HERC1: variants seen among roughly 807,000 people sequenced by gnomAD.
HERC1 encodes the protein HECT and RLD domain containing E3 ubiquitin protein ligase family member 1.
Under a neutral mutation model 554.3 loss-of-function variants are expected in HERC1, and 160 were observed. The observed-to-expected ratio is 0.29, with a 90% confidence interval of 0.25 to 0.33. The LOEUF (loss-of-function observed/expected upper bound fraction) is 0.33, where lower values mean the gene tolerates loss of function less well. Among genes scored for constraint, HERC1 ranks in the 10% least tolerant of loss-of-function variants. HERC1 has a pLI of 1.00. For missense variants in HERC1, 4,919 were observed against 5,918.5 expected, an observed-to-expected ratio of 0.83 and a Z score of 5.54; for synonymous variants, 2,175 against 2,131.7, an observed-to-expected ratio of 1.02 and a Z score of -0.56.
chr15:63,824,517 G>C lies in HERC1; in HGVS notation c.-27+9310C>G, dbSNP rs563694988. On this transcript the variant is annotated intron_variant, in intron 1 of 77. Transcript: ENST00000443617. Reference sequence around the variant, plus strand: ...CCACTGTACTCCAGCCTGGGCAACAGAGTGAGACTCCATCTCAAAAAAAAA... The same window carrying C: ...CCACTGTACTCCAGCCTGGGCAACACAGTGAGACTCCATCTCAAAAAAAAA... Among the ~76,000 whole-genome samples the C allele has an allele frequency of 1.1e-3, 149 of 138,040 alleles. 2 individuals carry two copies. The highest frequency in any genetic ancestry group is 2.5e-3 in the South Asian group (11 of 4,378). 90.6% of individuals were successfully genotyped at this position (138,040 alleles called of 152,430 possible).
Position 63,612,514 on chromosome 15 carries a change from G to A in HERC1, c.14137C>T (p.Pro4713Ser). 6.2e-7 allele frequency: 1 copy of A among 1,614,006 alleles called. No homozygotes were observed. Among genetic ancestry groups the A allele is most frequent in the Non-Finnish European group, 8.5e-7 (1 of 1,179,888 alleles). The change falls in exon 77 of 78, where the codon CCG becomes TCG. Residue 4713 changes from proline (P) to serine (S), a missense_variant. This residue lies in a region of HERC1 where 284 missense variants were observed against 294.1 expected (regional missense o/e 0.97). Transcript: ENST00000443617. This position sits in a 1 kb window ranked among gnomAD's most constrained non-coding sequence, Gnocchi z 5.0. ...TTTGCTGTGAGGAGGGACAGCAGCG[G>A]CACAGGAACAATCCAGGACATCCCT... ...REGMSWIVPVPLLSLLTAKQL... is the reference protein window; with the variant it reads ...REGMSWIVPVSLLSLLTAKQL...
chr15:63,785,689 C>A (rs1253003279), intron 1 of HERC1, among the ~76,000 whole-genome samples: 2 of 151,750 alleles, frequency 1.3e-5, no homozygotes, highest in African/African-American at 4.8e-5. Flanking sequence ...TGATCCCTTG[C>A]GCTCAGGAGG....
intron 6 of HERC1, 105 bp from the exon 7 acceptor site, chr15:63,754,753 G>C: frequency 3.5e-6 from 4 of 1,144,052 alleles, no homozygotes; most frequent in Non-Finnish European, 3.7e-6. Flanking sequence ...ATAGAATTGA[G>C]ATTTTTTTAA....
chr15:63,728,939 T>TTAA (rs1555430112), intron 16 of HERC1, among the ~76,000 whole-genome samples: 16 of 145,078 alleles, frequency 1.1e-4, no homozygotes, highest in Admixed American at 4.1e-4. Context: ...GAGCAGGTTT[T>TTAA]AAAAAAAAAA....
intron 24 of HERC1, among the ~76,000 whole-genome samples, chr15:63,711,705 A>G (rs932071285): frequency 6.6e-6 from 1 of 152,230 alleles, no homozygotes; most frequent in Non-Finnish European, 1.5e-5. Flanking sequence ...AGTCCATCTC[A>G]AACGCTAGCA....
Position 63,626,046 on chromosome 15 carries a change from T to G in HERC1, c.13214A>C (p.Tyr4405Ser). 6.2e-7 allele frequency: 1 copy of G among 1,612,738 alleles called. No individual in the cohort carries two copies. Among genetic ancestry groups the G allele is most frequent in the Non-Finnish European group, 8.5e-7 (1 of 1,179,390 alleles). ...HTVRARLRLLYHFSDLMYSSW... is the reference protein window; with the variant it reads ...HTVRARLRLLSHFSDLMYSSW... ...TGAGTACATGAGGTCAGAGAAGTGG[T>G]AGAGCAGCCGGAGCCTGGCCCGCAC... The change falls in exon 71 of 78, where the codon TAC (tyrosine) becomes TCC (serine). Residue 4405 changes from tyrosine (Y) to serine (S), a missense_variant. Physicochemically the swap from Tyr to Ser is moderately radical, Grantham distance 144. Around this residue, in one of 11 missense-constraint regions of HERC1, gnomAD observed 410 missense variants for 467.0 expected, o/e 0.88. Coordinates refer to ENST00000443617, the MANE Select transcript of HERC1 (RefSeq NM_003922.4).
At chr15:63,750,825 C>T (rs768788392) in intron 8 of HERC1, among the ~76,000 whole-genome samples, 10 of 151,988 alleles carry the variant, frequency 6.6e-5, no homozygotes, top group Non-Finnish European at 1.0e-4. Context: ...CCCAGCTACT[C>T]GGGAGCTGGG....
chr15:63,814,070 A>C (rs530970415), intron 1 of HERC1, among the ~76,000 whole-genome samples: 2 of 152,304 alleles, frequency 1.3e-5, no homozygotes, highest in East Asian at 1.9e-4. Context: ...AAAAAACAAA[A>C]AACAAACAAC....
At chr15:63,804,509 C>A (rs1460157235) in intron 1 of HERC1, among the ~76,000 whole-genome samples, 1 of 151,940 alleles carries the variant, frequency 6.6e-6, no homozygotes, top group East Asian at 1.9e-4. Context: ...TCACTTGAAC[C>A]CAGGAGGTGG....
intron 1 of HERC1, among the ~76,000 whole-genome samples, chr15:63,821,505 G>A (rs1002178198): frequency 7.5e-5 from 11 of 146,498 alleles, no homozygotes; most frequent in South Asian, 2.2e-4. Flanking sequence ...GCAATGAGCC[G>A]AGATCGTACC....
At chr15:63,723,378 C>A in intron 18 of HERC1, 23 bp from the exon 19 acceptor site, 1 of 1,457,770 alleles carries the variant, frequency 6.9e-7, no homozygotes. Flanking sequence ...CTCACGTTAC[C>A]AATTTTAACA....
intron 38 of HERC1, among the ~76,000 whole-genome samples, chr15:63,673,509 C>T (rs62014176): frequency 0.14 from 21,534 of 152,162 alleles, 2,067 homozygotes; most frequent in Middle Eastern, 0.2. Flanking sequence ...ACTGCTGTCT[C>T]TCCAGAACCT....
intron 1 of HERC1, among the ~76,000 whole-genome samples, chr15:63,799,232 G>A (rs1596283873): frequency 6.6e-6 from 1 of 152,204 alleles, no homozygotes; most frequent in African/African-American, 2.4e-5. Flanking sequence ...CAGGCACAGT[G>A]GCTCACGTCT....
chr15:63,721,408 C>A (rs997949156), intron 19 of HERC1, among the ~76,000 whole-genome samples: 3 of 152,072 alleles, frequency 2.0e-5, no homozygotes, highest in Admixed American at 1.3e-4. Context: ...GGCCTGTAAT[C>A]CCAGCTACTC....
chr15:63,767,028 G>C (rs1369853186), intron 2 of HERC1, among the ~76,000 whole-genome samples: 1 of 138,936 alleles, frequency 7.2e-6, no homozygotes, highest in African/African-American at 2.7e-5. Context: ...TTGAAATGGA[G>C]TCTTGCTCTG....
intron 40 of HERC1, among the ~76,000 whole-genome samples, chr15:63,668,049 T>C (rs1246853929): frequency 6.6e-6 from 1 of 152,190 alleles, no homozygotes; most frequent in Non-Finnish European, 1.5e-5. Context: ...AAGGGTCAAC[T>C]GTATAGCTAA....
At chr15:63,627,476 C>T (rs1481882696) in intron 70 of HERC1, among the ~76,000 whole-genome samples, 3 of 151,972 alleles carry the variant, frequency 2.0e-5, no homozygotes, top group Non-Finnish European at 4.4e-5. Context: ...GAGTTCAAGA[C>T]CAGCCTGGCC....
At chr15:63,793,481 G>C (rs181674162) in intron 1 of HERC1, among the ~76,000 whole-genome samples, 1 of 152,088 alleles carries the variant, frequency 6.6e-6, no homozygotes, top group Non-Finnish European at 1.5e-5. Context: ...TGGTCTAAAA[G>C]GGGGAGGAAC....
intron 38 of HERC1, among the ~76,000 whole-genome samples, 162 bp from the exon 39 acceptor site, chr15:63,672,856 T>A: frequency 6.6e-6 from 1 of 152,372 alleles, no homozygotes; most frequent in East Asian, 1.9e-4. Flanking sequence ...TTCTTACTTA[T>A]ATACATCTTT....
Sources: gnomAD v4.1 joint callset for allele counts (sites outside exome capture counted in the v4.1 genomes callset) on GRCh38, gnomAD v4.1.1 for gene constraint, gnomAD v4.1.1 regional missense constraint, Gnocchi (gnomAD v3.1) non-coding constraint, MANE v1.5 for transcripts, NCBI Gene and HGNC (gene_info 2026-07-23, HGNC 2026-07-21) for gene names.